Variants in SLC35A1 observed in about 807,000 individuals in gnomAD.
The protein encoded by SLC35A1 is CMP-sialic acid transporter.
Under a neutral mutation model 40.3 loss-of-function variants are expected in SLC35A1, and 21 were observed. That is an observed-to-expected ratio of 0.52 (90% confidence interval 0.37 to 0.75). The LOEUF is 0.75. Ranked by LOEUF, SLC35A1 falls within the 30% of genes least tolerant of loss-of-function variation. The pLI is 0.00. For missense variants in SLC35A1, 297 were observed against 382.1 expected (o/e 0.78, Z 1.86); for synonymous variants, 146 against 147.3 (o/e 0.99, Z 0.06).
chr6:87,486,223 G>A (rs1033472760), intron 2 of SLC35A1, among the ~76,000 whole-genome samples: 2 of 152,122 alleles, frequency 1.3e-5, no homozygotes, highest in Non-Finnish European at 2.9e-5. Flanking sequence ...TATATTATAC[G>A]GGAGTGGGAG....
Position 87,508,487 on chromosome 6 carries a change from T to C in SLC35A1, c.642T>C (p.Tyr214=), listed in dbSNP as rs747715624. Residue 214 remains tyrosine (Y), a synonymous_variant, in exon 6 of 8, where the codon TAT becomes TAC. Transcript: ENST00000369552. ...TSLWVRNIQM[Y]LSGIIVTLAG... ...TTTGGGTGAGAAACATTCAAATGTA[T>C]CTATCAGGGATTATTGTGACATTAG... is the stretch of plus-strand genomic sequence containing the variant. 1 of 1,612,742 alleles carries C rather than the reference T, an allele frequency of 6.2e-7. No individual in the cohort carries two copies. The highest frequency in any genetic ancestry group is 1.7e-5 in the Admixed American group (1 of 60,000).
At chr6:87,501,785 GAT>G (rs1769930387) in intron 4 of SLC35A1, among the ~76,000 whole-genome samples, 1 of 152,202 alleles carries the variant, frequency 6.6e-6, no homozygotes, top group Admixed American at 6.5e-5. Flanking sequence ...TACTGTCAGT[GAT>G]CAGGATGACA....
intron 2 of SLC35A1, among the ~76,000 whole-genome samples, chr6:87,495,897 C>T (rs1769712035): frequency 6.6e-6 from 1 of 152,070 alleles, no homozygotes; most frequent in Admixed American, 6.6e-5. Flanking sequence ...CCTTGTGATC[C>T]GCCCACCTCA....
chr6:87,505,363 GAA>G (rs1180733031), intron 4 of SLC35A1, among the ~76,000 whole-genome samples: 2 of 152,154 alleles, frequency 1.3e-5, no homozygotes, highest in African/African-American at 4.8e-5. Context: ...GTTTAGAAAA[GAA>G]AGAGAAAATA....
At chr6:87,505,999 ATTG>A (rs1770070406) in intron 4 of SLC35A1, among the ~76,000 whole-genome samples, 1 of 152,216 alleles carries the variant, frequency 6.6e-6, no homozygotes, top group African/African-American at 2.4e-5. Flanking sequence ...AATAAGTTAA[ATTG>A]TTATCATTTT....
At chr6:87,498,839 G>GT (rs1181204741) in intron 2 of SLC35A1, among the ~76,000 whole-genome samples, 2 of 151,612 alleles carry the variant, frequency 1.3e-5, no homozygotes, top group Admixed American at 1.3e-4. Flanking sequence ...GCATTAAGCA[G>GT]TTAAAAAAAA....
intron 2 of SLC35A1, among the ~76,000 whole-genome samples, chr6:87,486,148 C>T (rs192230429): frequency 1.3e-5 from 2 of 152,254 alleles, no homozygotes; most frequent in African/African-American, 4.8e-5. Context: ...AGTATGGTCT[C>T]TGATGCTGTT....
At chr6:87,492,897 T>A (rs1189244275) in intron 2 of SLC35A1, among the ~76,000 whole-genome samples, 2 of 152,164 alleles carry the variant, frequency 1.3e-5, no homozygotes, top group Non-Finnish European at 2.9e-5. Context: ...TTTCTCCACA[T>A]AAAGTTACCA....
chr6:87,506,244 A>T, intron 4 of SLC35A1, 138 bp from the exon 5 acceptor site: 1 of 714,438 alleles, frequency 1.4e-6, no homozygotes, highest in Non-Finnish European at 2.4e-6. Flanking sequence ...TAGTTGTCTT[A>T]TTCTGTAGAA....
At chr6:87,476,451 G>A (rs1189389058) in intron 1 of SLC35A1, among the ~76,000 whole-genome samples, 2 of 152,212 alleles carry the variant, frequency 1.3e-5, no homozygotes, top group Admixed American at 6.5e-5. Flanking sequence ...GGGGCCAGGC[G>A]TGGTGGCTAA....
intron 4 of SLC35A1, among the ~76,000 whole-genome samples, chr6:87,504,288 G>T (rs1246281738): frequency 6.8e-6 from 1 of 147,338 alleles, no homozygotes; most frequent in African/African-American, 2.5e-5. Flanking sequence ...AAAAAAAAAA[G>T]CTTTCTTTAA....
At chr6:87,506,491 C>T (rs766519284) in intron 5 of SLC35A1, 43 bp downstream of exon 5, 73 of 1,524,254 alleles carry the variant, frequency 4.8e-5, no homozygotes, top group African/African-American at 5.5e-5. Flanking sequence ...TCATATTTTT[C>T]GAAAACATCA....
At chr6:87,475,397 A>G (rs1185594477) in intron 1 of SLC35A1, among the ~76,000 whole-genome samples, 1 of 152,196 alleles carries the variant, frequency 6.6e-6, no homozygotes, top group Non-Finnish European at 1.5e-5. Context: ...ATTGCTGTAT[A>G]TTTTTGAAGT....
chr6:87,504,312 T>G (rs1253774604), intron 4 of SLC35A1, among the ~76,000 whole-genome samples: 9 of 152,114 alleles, frequency 5.9e-5, no homozygotes, highest in Non-Finnish European at 1.3e-4. Flanking sequence ...CTTACAGGAT[T>G]TTTTGCAAGC....
chr6:87,496,461 G>A (rs1464370928), intron 2 of SLC35A1, among the ~76,000 whole-genome samples: 1 of 152,034 alleles, frequency 6.6e-6, no homozygotes, highest in Non-Finnish European at 1.5e-5. Context: ...TGCTCATTAA[G>A]GTGCTTGTGA....
intron 2 of SLC35A1, among the ~76,000 whole-genome samples, chr6:87,492,029 T>G (rs966223057): frequency 1.2e-4 from 18 of 152,214 alleles, no homozygotes; most frequent in African/African-American, 4.1e-4. Context: ...TGTGTGAACA[T>G]GTATAGAATT....
intron 2 of SLC35A1, among the ~76,000 whole-genome samples, chr6:87,489,252 G>A (rs974611662): frequency 1.3e-5 from 2 of 148,870 alleles, no homozygotes; most frequent in Non-Finnish European, 3.0e-5. Context: ...GTTGGGAGGC[G>A]GGGTCTAGTG....
At chr6:87,488,086 C>T (rs938490863) in intron 2 of SLC35A1, 5 of 151,956 alleles carry the variant, frequency 3.3e-5, no homozygotes, top group African/African-American at 1.2e-4. Flanking sequence ...AAAAAGATAT[C>T]AACAGTTTGA....
At chr6:87,495,846 A>G (rs543465671) in intron 2 of SLC35A1, among the ~76,000 whole-genome samples, 67 of 152,000 alleles carry the variant, frequency 4.4e-4, no homozygotes, top group African/African-American at 1.4e-3. Flanking sequence ...TAGTAGAGAC[A>G]GGGTTTCACC....
Sources: gnomAD v4.1 joint callset for allele counts (sites outside exome capture counted in the v4.1 genomes callset) on GRCh38, gnomAD v4.1.1 for gene constraint, MANE v1.5 for transcripts, NCBI Gene and HGNC (gene_info 2026-07-23, HGNC 2026-07-21) for gene names.